CEP128: variants seen among roughly 807,000 people sequenced by gnomAD.
CEP128 encodes the protein centrosomal protein 128.
CEP128 carries 132 observed loss-of-function variants against 156.7 expected under a neutral mutation model. The observed-to-expected ratio is 0.84, with a 90% CI of 0.73 to 0.97. The LOEUF is 0.97. Ranked by LOEUF, CEP128 falls within the 50% of genes least tolerant of loss-of-function variation. The pLI is 0.00. For synonymous variants in CEP128, 469 were observed against 448.9 expected (o/e 1.04, Z -0.57); for missense variants, 1,252 against 1,281.9 (o/e 0.98, Z 0.36).
intron 13 of CEP128, among the ~76,000 whole-genome samples, chr14:80,812,888 T>C (rs1472410699): frequency 6.6e-6 from 1 of 152,116 alleles, no homozygotes; most frequent in Non-Finnish European, 1.5e-5. Flanking sequence ...GTTTGTTTTT[T>C]TAACTTTTCA....
intron 19 of CEP128, among the ~76,000 whole-genome samples, chr14:80,635,959 G>A (rs960799970): frequency 2.0e-5 from 3 of 152,138 alleles, no homozygotes; most frequent in African/African-American, 7.2e-5. Context: ...TGAATTTTGT[G>A]TTTAGATTTG....
chr14:80,536,876 T>C (rs1407787284), intron 21 of CEP128, among the ~76,000 whole-genome samples: 1 of 152,176 alleles, frequency 6.6e-6, no homozygotes, highest in Non-Finnish European at 1.5e-5. Context: ...AAAAATCAGA[T>C]GCCCACTTAG....
intron 24 of CEP128, among the ~76,000 whole-genome samples, chr14:80,499,613 T>G (rs1457007611): frequency 6.6e-6 from 1 of 152,218 alleles, no homozygotes; most frequent in Non-Finnish European, 1.5e-5. Context: ...CAATCTGCAT[T>G]TATTTTTAAA....
At chr14:80,723,999 CAG>C (rs202109916) in intron 19 of CEP128, among the ~76,000 whole-genome samples, 3,009 of 152,238 alleles carry the variant, frequency 0.02, 107 homozygotes, top group African/African-American at 0.068. Flanking sequence ...CTTGTAGAAA[CAG>C]AACAGTTAAA....
chr14:80,857,348 C>A (rs1887238752), intron 9 of CEP128, among the ~76,000 whole-genome samples: 1 of 151,630 alleles, frequency 6.6e-6, no homozygotes, highest in South Asian at 2.1e-4. Context: ...TCAAGCACCT[C>A]ATCAAAAGGA....
chr14:80,955,746 G>A, intron 2 of CEP128: 1 of 1,614,194 alleles, frequency 6.2e-7, no homozygotes, highest in Non-Finnish European at 8.5e-7. Context: ...TGGGCGGAAT[G>A]GGGTGTTCGT....
At chr14:80,488,431 GA>G (rs1484287713), downstream of CEP128, among the ~76,000 whole-genome samples, 1 of 151,092 alleles carries the variant, frequency 6.6e-6, no homozygotes, top group Non-Finnish European at 1.5e-5. Context: ...AAACCACAAT[GA>G]GATACCATCT....
intron 23 of CEP128, among the ~76,000 whole-genome samples, chr14:80,510,399 T>C (rs1888191347): frequency 6.6e-6 from 1 of 152,114 alleles, no homozygotes; most frequent in Non-Finnish European, 1.5e-5. Flanking sequence ...GATTCCTTTT[T>C]TTGATTTCTT....
rs146306751 is a variant in CEP128 at position 80,713,259 on chromosome 14, A to G, written c.2806+29816T>C. 1.7e-3 allele frequency among the ~76,000 whole-genome samples: 252 copies of G among 152,048 alleles called. 3 individuals carry two copies. The highest frequency in any genetic ancestry group is 5.8e-3 in the African/African-American group (242 of 41,480). ...TCTTTATAATCTAATACCAGACCAC[A>G]TTTTCCGCGGTGATCTTTTCTCATT... On this transcript the variant is annotated intron_variant, in intron 19 of 24. Transcript: ENST00000555265.
downstream of CEP128, among the ~76,000 whole-genome samples, chr14:80,494,776 G>C (rs1887436376): frequency 6.6e-6 from 1 of 152,152 alleles, no homozygotes; most frequent in Admixed American, 6.5e-5. Context: ...TATGCATACT[G>C]TTTTATTAAG....
chr14:80,568,800 G>A (rs1421720234), intron 20 of CEP128, among the ~76,000 whole-genome samples: 2 of 151,780 alleles, frequency 1.3e-5, no homozygotes, highest in Non-Finnish European at 2.9e-5. Context: ...TAAGAACAAC[G>A]AGGGGAAAAA....
At chr14:80,653,582 G>A (rs75499578) in intron 19 of CEP128, among the ~76,000 whole-genome samples, 3 of 152,080 alleles carry the variant, frequency 2.0e-5, no homozygotes, top group South Asian at 2.1e-4. Context: ...AGGAGAAGTC[G>A]ATGCTTGTCT....
At chr14:80,751,697 T>C (rs1176453627) in intron 18 of CEP128, among the ~76,000 whole-genome samples, 1 of 151,408 alleles carries the variant, frequency 6.6e-6, no homozygotes, top group Non-Finnish European at 1.5e-5. Context: ...TGGAACAATC[T>C]AGGCTCACTA....
chr14:80,525,444 G>A (rs1888931433), intron 23 of CEP128, among the ~76,000 whole-genome samples: 1 of 152,108 alleles, frequency 6.6e-6, no homozygotes, highest in Admixed American at 6.5e-5. Context: ...GGTATATAAG[G>A]CATGTAACAC....
At chr14:80,927,146 CT>C (rs1426152739) in intron 2 of CEP128, among the ~76,000 whole-genome samples, 1 of 152,174 alleles carries the variant, frequency 6.6e-6, no homozygotes. Context: ...ACTGCTACTC[CT>C]AGGGTAAGGG....
At chr14:80,878,108 C>A (rs1164580002) in intron 8 of CEP128, among the ~76,000 whole-genome samples, 1 of 152,148 alleles carries the variant, frequency 6.6e-6, no homozygotes, top group Non-Finnish European at 1.5e-5. Flanking sequence ...CAGCCCCTCC[C>A]CCAGCAGGGA....
downstream of CEP128, among the ~76,000 whole-genome samples, chr14:80,488,599 A>G (rs551543961): frequency 3.9e-4 from 59 of 152,170 alleles, no homozygotes; most frequent in African/African-American, 1.3e-3. Context: ...ATCTAGAACT[A>G]GAAATACGGT....
At chr14:80,647,059 A>G (rs1451406201) in intron 19 of CEP128, among the ~76,000 whole-genome samples, 4,192 of 16,958 alleles carry the variant, frequency 0.25, 593 homozygotes, top group Non-Finnish European at 0.35. Flanking sequence ...ATATATATAT[A>G]TATATATATA....
chr14:80,623,264 A>T (rs1243911910), intron 19 of CEP128, among the ~76,000 whole-genome samples: 1 of 149,412 alleles, frequency 6.7e-6, no homozygotes, highest in Non-Finnish European at 1.5e-5. Flanking sequence ...AACAATGAGA[A>T]CACATGGACA....
Sources: allele counts gnomAD v4.1 joint callset (sites outside exome capture counted in the v4.1 genomes callset), GRCh38; gene constraint gnomAD v4.1.1; transcripts MANE v1.5; gene names NCBI Gene and HGNC (gene_info 2026-07-23, HGNC 2026-07-21).